ERG: variants seen among roughly 807,000 people sequenced by gnomAD.
The protein encoded by ERG is transcriptional regulator ERG.
A neutral mutation model predicts 55.3 loss-of-function variants in ERG; 9 were observed. That is an observed-to-expected ratio of 0.16 (90% CI 0.10 to 0.28). The LOEUF (loss-of-function observed/expected upper bound fraction) is 0.28, where lower values mean the gene tolerates loss of function less well. Among genes scored for constraint, ERG ranks in the 10% least tolerant of loss-of-function variants. The pLI, the probability that ERG is intolerant of heterozygous loss-of-function variation, is 1.00. For synonymous variants in ERG, 223 were observed against 237.3 expected (o/e 0.94, Z 0.55); for missense variants, 434 against 631.6 (o/e 0.69, Z 3.35).
chr21:38,605,668 A>C (rs2060192254), intron 1 of ERG, among the ~76,000 whole-genome samples: 1 of 152,226 alleles, frequency 6.6e-6, no homozygotes. Flanking sequence ...GCAGGGACAA[A>C]GGACACAGCT....
chr21:38,405,462 G>A (rs1988720164), intron 3 of ERG, among the ~76,000 whole-genome samples: 1 of 152,136 alleles, frequency 6.6e-6, no homozygotes, highest in African/African-American at 2.4e-5. Flanking sequence ...CATCTGGGGA[G>A]ACTGAAAAAC....
intron 3 of ERG, among the ~76,000 whole-genome samples, chr21:38,405,294 C>G (rs2146460616): frequency 6.6e-6 from 1 of 152,306 alleles, no homozygotes; most frequent in East Asian, 1.9e-4. Flanking sequence ...CAAGATGTAG[C>G]CAAATGAATT....
chr21:38,424,187 G>GTCTCTCTCTCTCTCTCTCTCT (rs1569087250), intron 2 of ERG, among the ~76,000 whole-genome samples: 1 of 110,078 alleles, frequency 9.1e-6, no homozygotes, highest in African/African-American at 3.2e-5. Flanking sequence ...CAGAGCTCGA[G>GTCTCTCTCTCTCTCTCTCTCT]CTCTCTCTCT....
At chr21:38,573,875 C>A (rs2059978773) in intron 2 of ERG, among the ~76,000 whole-genome samples, 1 of 152,188 alleles carries the variant, frequency 6.6e-6, no homozygotes, top group Non-Finnish European at 1.5e-5. Flanking sequence ...GGGAAGGTCA[C>A]CCCTTCAGAT....
intron 2 of ERG, among the ~76,000 whole-genome samples, chr21:38,431,920 C>T (rs56166489): frequency 0.017 from 2,527 of 152,250 alleles, 29 homozygotes; most frequent in East Asian, 0.029. Flanking sequence ...GGATGAGAGA[C>T]GGCATGTCCC....
intron 2 of ERG, among the ~76,000 whole-genome samples, chr21:38,527,818 G>T (rs2059640905): frequency 6.7e-6 from 1 of 149,640 alleles, no homozygotes; most frequent in Admixed American, 6.6e-5. Flanking sequence ...ACTGTATGTG[G>T]CTGTCTTCAA....
chr21:38,621,437 G>A (rs1289839060), intron 1 of ERG, among the ~76,000 whole-genome samples: 1 of 152,070 alleles, frequency 6.6e-6, no homozygotes, highest in Non-Finnish European at 1.5e-5. Flanking sequence ...ATTTCTGCTT[G>A]CCCCTTGCCA....
At chr21:38,656,818 G>A (rs1473603732) in intron 1 of ERG, among the ~76,000 whole-genome samples, 1 of 152,136 alleles carries the variant, frequency 6.6e-6, no homozygotes, top group Admixed American at 6.5e-5. Flanking sequence ...GTGAAAATAA[G>A]GGTTTCCTAT....
intron 1 of ERG, among the ~76,000 whole-genome samples, chr21:38,580,110 A>G (rs1400289479): frequency 6.6e-6 from 1 of 151,758 alleles, no homozygotes; most frequent in East Asian, 1.9e-4. Context: ...GTGAGCCACC[A>G]CGCCCGGCTA....
In ERG at chr21:38,383,649, G is replaced by A. The variant is rs2146411922; in HGVS notation, c.1194C>T (p.Ala398=). The A allele has an allele frequency of 6.2e-7, 1 of 1,614,140 alleles. No individual in the cohort carries two copies. Among genetic ancestry groups the A allele is most frequent in the Non-Finnish European group, 8.5e-7 (1 of 1,180,014 alleles). Reference sequence around the variant, plus strand: ...ATGACTCCGGGGGGTGGGGCTGGAGGGCCTGGGCGATCCCGTGGAAGTCGA... The same window carrying A: ...ATGACTCCGGGGGGTGGGGCTGGAGAGCCTGGGCGATCCCGTGGAAGTCGA... ...YKFDFHGIAQ[A]LQPHPPESSL... Residue 398 remains alanine (A), a synonymous_variant, in exon 10 of 10, where the codon GCC becomes GCT. Coordinates refer to ENST00000288319, the MANE Select transcript of ERG (RefSeq NM_182918.4). This position sits in a 1 kb window ranked among gnomAD's most constrained non-coding sequence, Gnocchi z 5.7.
At chr21:38,443,727 A>C (rs2058863066) in intron 2 of ERG, among the ~76,000 whole-genome samples, 1 of 151,860 alleles carries the variant, frequency 6.6e-6, no homozygotes, top group Non-Finnish European at 1.5e-5. Context: ...TGCATTTTCT[A>C]TCCAGGTCCT....
At chr21:38,563,013 A>C (rs1022337328) in intron 2 of ERG, among the ~76,000 whole-genome samples, 1 of 152,230 alleles carries the variant, frequency 6.6e-6, no homozygotes, top group Admixed American at 6.5e-5. Flanking sequence ...ATACCAGATA[A>C]GAAAATCTGA....
chr21:38,637,816 C>CGT (rs141642791), intron 1 of ERG, among the ~76,000 whole-genome samples: 12,051 of 148,976 alleles, frequency 0.081, 1,007 homozygotes, highest in East Asian at 0.24. Context: ...TCTTTTTCTG[C>CGT]GTGTGTGTGT....
chr21:38,585,317 T>C (rs549860606), upstream of ERG, among the ~76,000 whole-genome samples: 12 of 152,248 alleles, frequency 7.9e-5, no homozygotes, highest in African/African-American at 2.4e-4. Flanking sequence ...CAGAACAGGG[T>C]AGTGGGATTT....
the ERG span, among the ~76,000 whole-genome samples, chr21:38,372,105 T>C: frequency 6.6e-6 from 1 of 152,080 alleles, no homozygotes; most frequent in Non-Finnish European, 1.5e-5. Flanking sequence ...ATTCATTTAA[T>C]ATACTTTTCA....
At chr21:38,652,443 T>C (rs890240309) in intron 1 of ERG, among the ~76,000 whole-genome samples, 1 of 152,172 alleles carries the variant, frequency 6.6e-6, no homozygotes, top group Non-Finnish European at 1.5e-5. Context: ...ATATATGCAA[T>C]ATGACAAGGT....
chr21:38,634,267 C>T (rs2060374690), intron 1 of ERG, among the ~76,000 whole-genome samples: 1 of 151,944 alleles, frequency 6.6e-6, no homozygotes. Context: ...GTTCCTAGTC[C>T]CCATTATGAG....
rs139171634 is a variant in ERG, at chr21:38,423,544, C to T, written c.254G>A (p.Cys85Tyr). Residue 85 changes from cysteine (C) to tyrosine (Y), a missense_variant, in exon 3 of 10, where the codon TGC becomes TAC. By Grantham distance (194) the Cys-to-Tyr change is radical. Transcript: ENST00000288319. ...VNGSRNSPDE[C>Y]SVAKGGKMVG... ...CATCTTCCCGCCTTTGGCCACACTG[C>T]ATTCATCAGGAGAGTTCCTGGAGGA... 8.5e-5 allele frequency: 137 copies of T among 1,613,674 alleles called. No homozygotes were observed. Among genetic ancestry groups the T allele is most frequent in the Non-Finnish European group, 1.1e-4 (132 of 1,179,736 alleles).
intron 2 of ERG, among the ~76,000 whole-genome samples, chr21:38,424,240 G>A (rs1056152002): frequency 5.4e-5 from 8 of 149,134 alleles, no homozygotes; most frequent in Non-Finnish European, 1.0e-4. Flanking sequence ...TGTAAGGGCA[G>A]AGCAAGAAGG....
Sources: gnomAD v4.1 joint callset for allele counts (sites outside exome capture counted in the v4.1 genomes callset) on GRCh38, gnomAD v4.1.1 for gene constraint, Gnocchi (gnomAD v3.1) non-coding constraint, MANE v1.5 for transcripts, NCBI Gene and HGNC (gene_info 2026-07-23, HGNC 2026-07-21) for gene names.